TMEM39A: variants seen among roughly 807,000 people sequenced by gnomAD.
TMEM39A encodes the protein suppressor of SQST-1 aggregates in rpl-43 mutants.
A neutral mutation model predicts 51.9 loss-of-function variants in TMEM39A; 19 were observed. That is an observed-to-expected ratio of 0.37 (90% CI 0.26 to 0.54). TMEM39A has a LOEUF of 0.54. Ranked by LOEUF, TMEM39A falls within the 20% of genes least tolerant of loss-of-function variation. TMEM39A has a pLI of 0.88. For synonymous variants in TMEM39A, 197 were observed against 220.2 expected, an observed-to-expected ratio of 0.89 and a Z score of 0.93; for missense variants, 433 against 590.5, an observed-to-expected ratio of 0.73 and a Z score of 2.76.
At chr3:119,439,867 A>G (rs1433548113) in intron 5 of TMEM39A, among the ~76,000 whole-genome samples, 4 of 151,974 alleles carry the variant, frequency 2.6e-5, no homozygotes, top group African/African-American at 9.7e-5. Flanking sequence ...TCTTGGGCTC[A>G]CGCAATTCTC....
chr3:119,439,579 CAAAAA>C, intron 5 of TMEM39A, among the ~76,000 whole-genome samples: 1 of 100,298 alleles, frequency 1.0e-5, no homozygotes, highest in South Asian at 3.0e-4. Context: ...AACTCCTTCT[CAAAAA>C]AAAAAAAAAA....
intron 2 of TMEM39A, among the ~76,000 whole-genome samples, chr3:119,458,805 G>C (rs2081299528): frequency 6.6e-6 from 1 of 152,192 alleles, no homozygotes; most frequent in South Asian, 2.1e-4. Context: ...TGAGGCAGGA[G>C]AATCGCTTGA....
At chr3:119,446,370 T>C (rs987790872) in intron 5 of TMEM39A, among the ~76,000 whole-genome samples, 1 of 147,514 alleles carries the variant, frequency 6.8e-6, no homozygotes, top group South Asian at 2.1e-4. Context: ...AGTCCGCTAC[T>C]AAGCAACTAA....
At chr3:119,432,253 A>C in intron 8 of TMEM39A, 39 bp from the exon 9 acceptor site, 1 of 1,415,186 alleles carries the variant, frequency 7.1e-7, no homozygotes, top group African/African-American at 1.4e-5. Flanking sequence ...TATTTCATAG[A>C]AAAGTAATGG....
At chr3:119,450,395 T>C (rs541707555) in intron 4 of TMEM39A, among the ~76,000 whole-genome samples, 1 of 152,378 alleles carries the variant, frequency 6.6e-6, no homozygotes, top group Admixed American at 6.5e-5. Flanking sequence ...TGTCAATGGC[T>C]GTATGCTATT....
chr3:119,432,248 C>T (rs1186203520), intron 8 of TMEM39A, 34 bp from the exon 9 acceptor site: 1 of 1,464,894 alleles, frequency 6.8e-7, no homozygotes, highest in Admixed American at 2.0e-5. Context: ...AACATTATTT[C>T]ATAGAAAAGT....
intron 5 of TMEM39A, among the ~76,000 whole-genome samples, chr3:119,438,719 C>G (rs561190281): frequency 6.6e-6 from 1 of 152,132 alleles, no homozygotes; most frequent in South Asian, 2.1e-4. Flanking sequence ...TACGTGTGTA[C>G]GTTTGGTCAT....
At chr3:119,446,555 T>G (rs1211375351) in intron 5 of TMEM39A, 1 of 153,600 alleles carries the variant, frequency 6.5e-6, no homozygotes, top group Non-Finnish European at 1.4e-5. Flanking sequence ...GGACCTTGGT[T>G]GATCGCAGGT....
At chr3:119,457,774 ATAT>A (rs2081284864) in intron 3 of TMEM39A, among the ~76,000 whole-genome samples, 1 of 152,208 alleles carries the variant, frequency 6.6e-6, no homozygotes, top group African/African-American at 2.4e-5. Context: ...CCTTTCCGTG[ATAT>A]TATTATAAAA....
Position 119,429,061 on chromosome 3 carries a change from G to C in TMEM39A, c.*2920C>G, listed in dbSNP as rs2080868336. On this transcript the variant is annotated 3_prime_UTR_variant, in exon 9 of 9. Transcript: ENST00000319172. ...CATATTTCTGTTAATGAACACCCTA[G>C]TGTGACAACTGGTTTACTTGTCTGT... is the stretch of plus-strand genomic sequence containing the variant. Among the ~76,000 whole-genome samples the C allele has an allele frequency of 6.6e-6, 1 of 152,000 alleles. No individual in the cohort carries two copies. Among genetic ancestry groups the C allele is most frequent in the African/African-American group, 2.4e-5 (1 of 41,384 alleles).
Position 119,431,916 on chromosome 3 carries a change from C to A in TMEM39A, c.*65G>T. ...ATATCTTAAATATTTATAAAAATCACAAGAAAAAAATAGAACGTATGAAAA... is the reference window on the plus strand; with the variant it reads ...ATATCTTAAATATTTATAAAAATCAAAAGAAAAAAATAGAACGTATGAAAA... On this transcript the variant is annotated 3_prime_UTR_variant, in exon 9 of 9. Transcript: ENST00000319172. 3.6e-6 allele frequency: 4 copies of A among 1,101,372 alleles called. No homozygotes were observed. Among genetic ancestry groups the A allele is most frequent in the Admixed American group, 2.9e-5 (1 of 34,090 alleles). 68.2% of individuals were successfully genotyped at this position (1,101,372 alleles called of 1,614,324 possible).
intron 1 of TMEM39A, 94 bp from the exon 2 acceptor site, chr3:119,462,242 A>G (rs2081348276): frequency 1.4e-5 from 8 of 572,950 alleles, no homozygotes; most frequent in Middle Eastern, 3.9e-4. Context: ...GCCTTACAAA[A>G]TAAGATTTTC....
intron 1 of TMEM39A, among the ~76,000 whole-genome samples, chr3:119,462,723 T>C (rs951311032): frequency 1.3e-5 from 2 of 150,268 alleles, no homozygotes; most frequent in Non-Finnish European, 3.0e-5. Context: ...GTAGTTCTTT[T>C]AACAGTTTAA....
In TMEM39A at chr3:119,436,953, C is replaced by T; in HGVS notation, c.950G>A (p.Trp317Ter). 6.2e-7 allele frequency: 1 copy of T among 1,613,626 alleles called. No individual in the cohort carries two copies. The highest frequency in any genetic ancestry group is 8.5e-7 in the Non-Finnish European group (1 of 1,179,692). ...VKSTQYYDMR[W>*]SCEHLIMVWI... Reference sequence around the variant, plus strand: ...CACCATAATGAGGTGCTCACATGACCAGCGCATGTCATAGTACTGGGTACT... The same window carrying T: ...CACCATAATGAGGTGCTCACATGACTAGCGCATGTCATAGTACTGGGTACT... The change falls in exon 7 of 9, where the codon TGG becomes TAG. Residue 317 changes from tryptophan to a stop codon, truncating the protein, a stop_gained. Transcript: ENST00000319172. LOFTEE classifies it high-confidence loss of function.
At chr3:119,449,613 A>T (rs2107678644) in intron 4 of TMEM39A, among the ~76,000 whole-genome samples, 1 of 152,002 alleles carries the variant, frequency 6.6e-6, no homozygotes, top group Admixed American at 6.6e-5. Flanking sequence ...CAAGAGCAAA[A>T]CTCTGTCTGC....
At chr3:119,456,973 CTTTT>C (rs35937230) in intron 3 of TMEM39A, among the ~76,000 whole-genome samples, 1 of 140,626 alleles carries the variant, frequency 7.1e-6, no homozygotes, top group African/African-American at 2.6e-5. Context: ...TCATGGTACT[CTTTT>C]TTTTTTTTTT....
intron 5 of TMEM39A, among the ~76,000 whole-genome samples, chr3:119,440,413 C>T (rs1391264461): frequency 6.6e-6 from 1 of 152,136 alleles, no homozygotes; most frequent in African/African-American, 2.4e-5. Context: ...TTGTGAAAAT[C>T]ATTCTAGCTA....
At chr3:119,451,662 C>G (rs891871472) in intron 4 of TMEM39A, among the ~76,000 whole-genome samples, 3 of 151,802 alleles carry the variant, frequency 2.0e-5, no homozygotes, top group African/African-American at 7.3e-5. Context: ...GAAACCCCGT[C>G]TCTACTAAAA....
In TMEM39A at chr3:119,431,795, C is replaced by G; in HGVS notation, c.*186G>C. On this transcript the variant is annotated 3_prime_UTR_variant, in exon 9 of 9. Coordinates refer to ENST00000319172, the MANE Select transcript of TMEM39A (RefSeq NM_018266.3). ...CTCATATGTATATTATTCGAATATACTAACACATGAAAGATCACATCACCT... is the reference window on the plus strand; with the variant it reads ...CTCATATGTATATTATTCGAATATAGTAACACATGAAAGATCACATCACCT... 2.2e-6 allele frequency: 1 copy of G among 460,980 alleles called. No individual in the cohort carries two copies. The highest frequency in any genetic ancestry group is 3.5e-5 in the East Asian group (1 of 28,484). The allele number at this position is 460,980 out of a possible 1,614,324, so 28.6% of individuals were successfully genotyped here.
Sources: gnomAD v4.1 joint callset for allele counts (sites outside exome capture counted in the v4.1 genomes callset) on GRCh38, gnomAD v4.1.1 for gene constraint, MANE v1.5 for transcripts, NCBI Gene and HGNC (gene_info 2026-07-23, HGNC 2026-07-21) for gene names.